The following ZFP64 variants were observed in gnomAD, a reference collection of about 807,000 sequenced individuals.
ZFP64 encodes zinc finger protein 64.
Under a neutral mutation model 51.6 loss-of-function variants are expected in ZFP64, and 14 were observed. That is an observed-to-expected ratio of 0.27 (90% confidence interval 0.18 to 0.42). ZFP64 has a LOEUF of 0.42. Among genes scored for constraint, ZFP64 ranks in the 10% least tolerant of loss-of-function variants. ZFP64 has a pLI of 1.00. For missense variants in ZFP64, 754 were observed against 906.8 expected, an observed-to-expected ratio of 0.83 and a Z score of 2.16; for synonymous variants, 375 against 361.4, an observed-to-expected ratio of 1.04 and a Z score of -0.43.
At chr20:52,172,978 T>A (rs898130967) in intron 2 of ZFP64, among the ~76,000 whole-genome samples, 1 of 152,202 alleles carries the variant, frequency 6.6e-6, no homozygotes, top group Non-Finnish European at 1.5e-5. Context: ...TTGATCATGA[T>A]GTTGTTTAAA....
At chr20:52,110,368 C>T in intron 5 of ZFP64, 1 of 529,356 alleles carries the variant, frequency 1.9e-6, no homozygotes, top group Non-Finnish European at 3.4e-6. Flanking sequence ...TCTCAGCCCC[C>T]TTCTTCTGGA....
At chr20:52,094,024 T>G (rs1236335889) in intron 7 of ZFP64, among the ~76,000 whole-genome samples, 1 of 152,228 alleles carries the variant, frequency 6.6e-6, no homozygotes, top group African/African-American at 2.4e-5. Flanking sequence ...CCATCCAAAT[T>G]GCCAGGAGTG....
chr20:52,135,683 T>C (rs1012370024), intron 5 of ZFP64, among the ~76,000 whole-genome samples: 6 of 151,880 alleles, frequency 4.0e-5, no homozygotes, highest in Admixed American at 3.3e-4. Flanking sequence ...GAGGCAGGGT[T>C]TCGACATGTT....
At chr20:52,121,841 G>C (rs975782194) in intron 5 of ZFP64, among the ~76,000 whole-genome samples, 5 of 152,206 alleles carry the variant, frequency 3.3e-5, no homozygotes, top group African/African-American at 1.2e-4. Flanking sequence ...AGGACAGGCT[G>C]ATTTTCTTGT....
intron 5 of ZFP64, among the ~76,000 whole-genome samples, chr20:52,117,469 A>C (rs1978936153): frequency 6.6e-6 from 1 of 152,046 alleles, no homozygotes; most frequent in Non-Finnish European, 1.5e-5. Context: ...AAACTAAAAA[A>C]TCAGCTAGGC....
chr20:52,187,160 T>G, intron 1 of ZFP64, 89 bp from the exon 2 acceptor site: 2 of 1,429,552 alleles, frequency 1.4e-6, no homozygotes, highest in Non-Finnish European at 1.9e-6. Flanking sequence ...AGAAAAGGCA[T>G]GGTGGCAGAC....
intron 1 of ZFP64, among the ~76,000 whole-genome samples, chr20:52,189,030 A>G (rs1192784898): frequency 1.3e-5 from 2 of 152,194 alleles, no homozygotes; most frequent in Non-Finnish European, 2.9e-5. Context: ...AGAAACTTAT[A>G]AAGAAGGGGA....
chr20:52,138,247 T>G (rs1490167368), intron 5 of ZFP64, among the ~76,000 whole-genome samples: 1 of 151,674 alleles, frequency 6.6e-6, no homozygotes, highest in Non-Finnish European at 1.5e-5. Flanking sequence ...GTCAGCAGGA[T>G]GGAGATGAAT....
At chr20:52,103,838 G>C (rs960473540) in intron 5 of ZFP64, among the ~76,000 whole-genome samples, 1 of 152,186 alleles carries the variant, frequency 6.6e-6, no homozygotes, top group Admixed American at 6.5e-5. Flanking sequence ...AGCTCCACTC[G>C]AGCAAGCTTT....
rs1440516638 is a variant in ZFP64 at position 52,160,417 on chromosome 20, T to A, written c.512-43A>T. 4 of 1,554,690 alleles carry A rather than the reference T, an allele frequency of 2.6e-6. No homozygotes were observed. Among genetic ancestry groups the A allele is most frequent in the African/African-American group, 1.4e-5 (1 of 72,614 alleles). Reference sequence around the variant, plus strand: ...CACAGATGGCAGCAGGAAACAAGATTAAAAAAGGAAAAGGCTTATTTCCCA... The same window carrying A: ...CACAGATGGCAGCAGGAAACAAGATAAAAAAAGGAAAAGGCTTATTTCCCA... On this transcript the variant is annotated intron_variant, in intron 4 of 5. Transcript: ENST00000216923. This position sits in a 1 kb window ranked among gnomAD's most constrained non-coding sequence, Gnocchi z 4.2.
chr20:52,139,635 C>T lies in ZFP64; in HGVS notation c.763+20488G>A, dbSNP rs1445881929. On this transcript the variant is annotated intron_variant, in intron 5 of 8. Coordinates refer to the ZFP64 transcript ENST00000361387. ...CCCAGGTAAAAAACCTGCACATGTA[C>T]CCCCTAAACCTAAAATAAAAGTTGA... 2.6e-5 allele frequency among the ~76,000 whole-genome samples: 4 copies of T among 151,878 alleles called. No individual in the cohort carries two copies. In the East Asian group the frequency reaches 7.7e-4, roughly 29 times the overall value.
intron 2 of ZFP64, among the ~76,000 whole-genome samples, chr20:52,185,754 T>A (rs954220082): frequency 6.6e-6 from 1 of 152,006 alleles, no homozygotes; most frequent in Non-Finnish European, 1.5e-5. Context: ...CTAATTTTTG[T>A]ATTTTTAGTA....
At chr20:52,084,232 T>G in exon 9 of ZFP64, 1 of 290,868 alleles carries the variant, frequency 3.4e-6, no homozygotes, top group East Asian at 6.4e-5. Flanking sequence ...CAGAGATGGA[T>G]CAGTTTTAAA....
At chr20:52,166,054 T>C (rs1396458128) in intron 2 of ZFP64, 29 bp from the exon 3 acceptor site, 20 of 1,587,922 alleles carry the variant, frequency 1.3e-5, no homozygotes, top group Admixed American at 5.6e-5. Flanking sequence ...ATTAATTTTC[T>C]TAATATAAAT....
chr20:52,160,030 A>T lies in ZFP64; in HGVS notation c.763+93T>A. 2 of 1,572,396 alleles carry T rather than the reference A, an allele frequency of 1.3e-6. No individual in the cohort carries two copies. The highest frequency in any genetic ancestry group is 1.7e-6 in the Non-Finnish European group (2 of 1,160,694). On this transcript the variant is annotated intron_variant, in intron 5 of 5. Coordinates refer to ENST00000216923, the MANE Select transcript of ZFP64 (RefSeq NM_018197.3). The surrounding 1 kb of genome is among the most constrained non-coding windows in gnomAD (Gnocchi z 4.2). Reference sequence around the variant, plus strand: ...CGGGATGAGCAAAGGTTCCAACTCGATTTCTTACATTGTGGCTGAATGCTT... The same window carrying T: ...CGGGATGAGCAAAGGTTCCAACTCGTTTTCTTACATTGTGGCTGAATGCTT...
intron 5 of ZFP64, among the ~76,000 whole-genome samples, chr20:52,103,639 G>A (rs1306658779): frequency 1.3e-5 from 2 of 152,156 alleles, no homozygotes; most frequent in Non-Finnish European, 2.9e-5. Flanking sequence ...GGGTTACTCA[G>A]CAATTCTCTT....
In ZFP64 at chr20:52,088,489, C is replaced by T. The variant is rs1414443110; in HGVS notation, c.1131G>A (p.Leu377=). ...ACGGCCGCTCATCAGAGTGGATCCGCAGGTGCTTCTTGAGGCTACTGCTGT... is the reference window on the plus strand; with the variant it reads ...ACGGCCGCTCATCAGAGTGGATCCGTAGGTGCTTCTTGAGGCTACTGCTGT... The change falls in exon 8 of 9, where the codon CTG becomes CTA. Residue 377 remains leucine, a synonymous_variant. Transcript: ENST00000361387. 19 of 1,614,094 alleles carry T rather than the reference C, an allele frequency of 1.2e-5. No individual in the cohort carries two copies. The South Asian group carries it at 1.8e-4, about 15-fold the overall frequency.
chr20:52,154,603 A>G (rs958895571), intron 5 of ZFP64, among the ~76,000 whole-genome samples: 1 of 152,194 alleles, frequency 6.6e-6, no homozygotes, highest in Non-Finnish European at 1.5e-5. Flanking sequence ...GCAAACAAAG[A>G]TGGCAGGAGG....
chr20:52,165,218 G>T (rs1982153806), intron 3 of ZFP64: 2 of 456,698 alleles, frequency 4.4e-6, no homozygotes, highest in South Asian at 1.5e-5. Context: ...TCTGACTAAG[G>T]TCAGTAGGTT....
Sources: allele counts gnomAD v4.1 joint callset (sites outside exome capture counted in the v4.1 genomes callset), GRCh38; gene constraint gnomAD v4.1.1; non-coding constraint Gnocchi (gnomAD v3.1); transcripts MANE v1.5; gene names NCBI Gene and HGNC (gene_info 2026-07-23, HGNC 2026-07-21).